FBXO10: variants seen among roughly 807,000 people sequenced by gnomAD.
FBXO10 encodes the protein F-box only protein 10.
A neutral mutation model predicts 80.7 loss-of-function variants in FBXO10; 39 were observed. The ratio of observed to expected loss-of-function variants is 0.48; its 90% CI spans 0.37 to 0.63. The LOEUF (loss-of-function observed/expected upper bound fraction) is 0.63, where lower values mean the gene tolerates loss of function less well. Among genes scored for constraint, FBXO10 ranks in the 30% least tolerant of loss-of-function variants. FBXO10 has a pLI of 0.00. For synonymous variants in FBXO10, 449 were observed against 489.6 expected (o/e 0.92, Z 1.09); for missense variants, 1,025 against 1,269.0 (o/e 0.81, Z 2.92).
At chr9:37,526,864 T>TATTTATTG (rs975627316) in intron 5 of FBXO10, among the ~76,000 whole-genome samples, 20 of 127,666 alleles carry the variant, frequency 1.6e-4, no homozygotes, top group African/African-American at 5.4e-4. Flanking sequence ...TTTATTTATT[T>TATTTATTG]ATTGAAATGG....
At chr9:37,568,861 C>G (rs538464986) in intron 1 of FBXO10, among the ~76,000 whole-genome samples, 4 of 151,738 alleles carry the variant, frequency 2.6e-5, no homozygotes, top group African/African-American at 9.7e-5. Flanking sequence ...TCAAGCATAA[C>G]CATTAAGAAA....
chr9:37,560,502 A>C (rs916524646), intron 1 of FBXO10, among the ~76,000 whole-genome samples: 1 of 151,892 alleles, frequency 6.6e-6, no homozygotes, highest in Non-Finnish European at 1.5e-5. Context: ...GAAGCCAACA[A>C]TTGCCCCCTC....
At position 37,541,542 on chromosome 9, in the gene FBXO10, T is replaced by C; in HGVS notation, c.227A>G (p.Lys76Arg). 6.2e-7 allele frequency: 1 copy of C among 1,613,782 alleles called. No homozygotes were observed. Among genetic ancestry groups the C allele is most frequent in the Non-Finnish European group, 8.5e-7 (1 of 1,179,764 alleles). Residue 76 changes from lysine (K) to arginine (R), a missense_variant, in exon 2 of 11, where the codon AAG (lysine) becomes AGG (arginine). By Grantham distance (26) the Lys-to-Arg change is conservative. Transcript: ENST00000432825. Reference sequence around the variant, plus strand: ...TGTCTTGGATGCAAGGTAATGCTGCTTGAAGGCTTCTCTCCAAGACTCAGG... The same window carrying C: ...TGTCTTGGATGCAAGGTAATGCTGCCTGAAGGCTTCTCTCCAAGACTCAGG... ...VEPESWREAF[K>R]QHYLASKTWT...
At chr9:37,572,876 T>C (rs998588394) in intron 1 of FBXO10, among the ~76,000 whole-genome samples, 1 of 152,254 alleles carries the variant, frequency 6.6e-6, no homozygotes, top group Non-Finnish European at 1.5e-5. Flanking sequence ...ATAAATATAC[T>C]GATTATTGTT....
intron 1 of FBXO10, among the ~76,000 whole-genome samples, chr9:37,551,452 C>T (rs7855746): frequency 0.024 from 3,618 of 152,338 alleles, 130 homozygotes; most frequent in African/African-American, 0.082. Flanking sequence ...ACACAAGCCT[C>T]CACAGCTCTT....
intron 2 of FBXO10, among the ~76,000 whole-genome samples, chr9:37,539,010 G>A (rs1278336398): frequency 1.3e-5 from 2 of 152,156 alleles, no homozygotes; most frequent in Non-Finnish European, 2.9e-5. Flanking sequence ...AGCAGTCTTG[G>A]TGAGGCCCAC....
intron 7 of FBXO10, 182 bp from the exon 8 acceptor site, chr9:37,522,020 A>C: frequency 1.5e-6 from 1 of 658,914 alleles, no homozygotes; most frequent in East Asian, 2.8e-5. Flanking sequence ...AGAGGTCATC[A>C]GGATCAGGTG....
At chr9:37,515,500 G>A (rs760709946) in intron 10 of FBXO10, 29 of 156,496 alleles carry the variant, frequency 1.9e-4, no homozygotes, top group Non-Finnish European at 3.4e-4. Context: ...GATGGGTGGC[G>A]GCAATTGTGA....
At chr9:37,521,439 A>C in intron 8 of FBXO10, 130 bp downstream of exon 8, 1 of 1,173,062 alleles carries the variant, frequency 8.5e-7, no homozygotes. Context: ...TGCCCTACCC[A>C]GGTTTGCATC....
intron 1 of FBXO10, among the ~76,000 whole-genome samples, chr9:37,574,330 A>C (rs1822839750): frequency 6.6e-6 from 1 of 152,238 alleles, no homozygotes; most frequent in African/African-American, 2.4e-5. Flanking sequence ...CAACTGAAAG[A>C]AACCAGAGAA....
intron 5 of FBXO10, among the ~76,000 whole-genome samples, chr9:37,528,171 C>T (rs1821520254): frequency 6.6e-6 from 1 of 152,126 alleles, no homozygotes; most frequent in East Asian, 1.9e-4. Flanking sequence ...GCTGTGTAGA[C>T]AGAATAGGCT....
rs369700647 is a variant in FBXO10 at position 37,512,741 on chromosome 9, G to C, written c.2697-20C>G. ...TCAGACCTGGAGGTGCAAAACGAAAGTCAGTGAACTTCTGAGGGGTGTGCA... is the reference window on the plus strand; with the variant it reads ...TCAGACCTGGAGGTGCAAAACGAAACTCAGTGAACTTCTGAGGGGTGTGCA... On this transcript the variant is annotated intron_variant, in intron 10 of 10. Transcript: ENST00000432825. 12 of 1,607,566 alleles carry C rather than the reference G, an allele frequency of 7.5e-6. No individual in the cohort carries two copies. In the African/African-American group the frequency reaches 9.3e-5, roughly 13 times the overall value.
chr9:37,560,266 T>C (rs1355386234), intron 1 of FBXO10, among the ~76,000 whole-genome samples: 3 of 152,196 alleles, frequency 2.0e-5, no homozygotes, highest in Non-Finnish European at 2.9e-5. Flanking sequence ...CTTAGGATGA[T>C]GTGAGGGTGT....
intron 1 of FBXO10, among the ~76,000 whole-genome samples, chr9:37,542,258 T>A (rs1821939791): frequency 2.0e-5 from 3 of 152,166 alleles, no homozygotes. Context: ...CCACCAGGAA[T>A]TAGCAAGGAA....
chr9:37,514,870 G>A (rs10973388), intron 10 of FBXO10: 24,890 of 152,030 alleles, frequency 0.16, 2,279 homozygotes, highest in East Asian at 0.24. Flanking sequence ...TACCTACATC[G>A]GGGGGTTTCT....
chr9:37,568,057 TGA>T (rs1251969763), intron 1 of FBXO10, among the ~76,000 whole-genome samples: 2 of 152,106 alleles, frequency 1.3e-5, no homozygotes, highest in Non-Finnish European at 2.9e-5. Flanking sequence ...ACAATTAAGG[TGA>T]GAGACTGCAA....
At position 37,518,369 on chromosome 9, in the gene FBXO10, T is replaced by C; in HGVS notation, c.2270A>G (p.Asp757Gly). The C allele has an allele frequency of 6.2e-7, 1 of 1,613,948 alleles. No homozygotes were observed. Among genetic ancestry groups the C allele is most frequent in the East Asian group, 2.2e-5 (1 of 44,876 alleles). ...GCTCTGGGCCACAGTAATGCCTCTGTCCCCATTCGCGTGGATCACATTGGT... is the reference window on the plus strand; with the variant it reads ...GCTCTGGGCCACAGTAATGCCTCTGCCCCCATTCGCGTGGATCACATTGGT... ...VITNVIHANG[D>G]RGITVAQSSQ... Residue 757 changes from aspartate to glycine, a missense_variant, in exon 9 of 11, where the codon GAC becomes GGC. Asp to Gly is a moderately conservative substitution (Grantham distance 94). This residue lies in a region of FBXO10 where 478 missense variants were observed against 667.8 expected (regional missense o/e 0.72). Transcript: ENST00000432825.
intron 1 of FBXO10, among the ~76,000 whole-genome samples, chr9:37,549,421 C>T (rs1407359543): frequency 6.6e-6 from 1 of 152,194 alleles, no homozygotes; most frequent in East Asian, 1.9e-4. Flanking sequence ...AAACACAAAA[C>T]CTTGCAAGCC....
In FBXO10 at chr9:37,566,459, GAA is replaced by G. The variant is rs397894696; in HGVS notation, c.-7+9750_-7+9751del. Among the ~76,000 whole-genome samples, 82 of 64,370 alleles carry G rather than the reference GAA, an allele frequency of 1.3e-3. 1 individual carries two copies. Among genetic ancestry groups the G allele is most frequent in the South Asian group, 1.0e-3 (2 of 1,930 alleles). 42.2% of individuals were successfully genotyped at this position (64,370 alleles called of 152,430 possible). On this transcript the variant is annotated intron_variant, in intron 1 of 10. Coordinates refer to ENST00000432825, the MANE Select transcript of FBXO10 (RefSeq NM_012166.3). ...GACAACAAAGTGAGACTCTGTCTCG[GAA>G]AAAAAAAAAAAAAAAGTGGAAAAAA...
Sources: allele counts gnomAD v4.1 joint callset (sites outside exome capture counted in the v4.1 genomes callset), GRCh38; gene constraint gnomAD v4.1.1; regional missense constraint gnomAD v4.1.1; transcripts MANE v1.5; gene names NCBI Gene and HGNC (gene_info 2026-07-23, HGNC 2026-07-21).